MTMR7: variants seen among roughly 807,000 people sequenced by gnomAD.
MTMR7 encodes myotubularin related protein 7.
In MTMR7, 76 loss-of-function variants were observed where a neutral mutation model predicts 81.2. The observed-to-expected ratio is 0.94, with a 90% CI of 0.78 to 1.13. The LOEUF (loss-of-function observed/expected upper bound fraction) is 1.13. Ranked by LOEUF, MTMR7 falls within the 50% of genes most tolerant of loss-of-function variation. The pLI is 0.00. For missense variants in MTMR7, 1,044 were observed against 820.0 expected (o/e 1.27, Z -3.34); for synonymous variants, 372 against 289.8 (o/e 1.28, Z -2.88).
At chr8:17,338,940 A>C (rs550356070) in intron 6 of MTMR7, 1 of 152,284 alleles carries the variant, frequency 6.6e-6, no homozygotes, top group African/African-American at 2.4e-5. Flanking sequence ...TTTGCTCCGA[A>C]GAAGACTGGA....
At position 17,302,713 on chromosome 8, in the gene MTMR7, C is replaced by T. The variant is rs987339900; in HGVS notation, c.1494-433G>A. ...TTTGCATTGGCAATAACCCCCCCCC[C>T]CCCGCTTTTTTTTTTAATGGCAGAG... On this transcript the variant is annotated intron_variant, in intron 12 of 13. Coordinates refer to ENST00000180173, the MANE Select transcript of MTMR7 (RefSeq NM_004686.5). Among the ~76,000 whole-genome samples the T allele has an allele frequency of 3.7e-4, 28 of 76,208 alleles. 3 individuals carry two copies. The highest frequency in any genetic ancestry group is 1.0e-3 in the African/African-American group (28 of 27,124). 50.0% of individuals were successfully genotyped at this position (76,208 alleles called of 152,430 possible). A position where few individuals can be genotyped will look rare whatever the true frequency, so the allele number is the denominator to read the frequency against.
intron 4 of MTMR7, among the ~76,000 whole-genome samples, chr8:17,355,043 G>A (rs1443443343): frequency 6.6e-5 from 10 of 152,130 alleles, no homozygotes; most frequent in East Asian, 1.9e-4. Context: ...GCTGTGCAAC[G>A]TAGGACTTAA....
intron 1 of MTMR7, among the ~76,000 whole-genome samples, chr8:17,380,321 C>T (rs1164960950): frequency 6.6e-6 from 1 of 152,150 alleles, no homozygotes; most frequent in African/African-American, 2.4e-5. Flanking sequence ...TGCACAATCA[C>T]TCTATATACC....
intron 6 of MTMR7, among the ~76,000 whole-genome samples, chr8:17,331,753 C>T (rs888948944): frequency 6.6e-6 from 1 of 152,160 alleles, no homozygotes; most frequent in African/African-American, 2.4e-5. Context: ...ATGGTTGCAT[C>T]ATTCTAATTT....
chr8:17,401,904 A>T (rs1821439740), intron 1 of MTMR7, among the ~76,000 whole-genome samples: 1 of 152,184 alleles, frequency 6.6e-6, no homozygotes. Flanking sequence ...TCTTATGCAT[A>T]TTATGGATCT....
At chr8:17,348,179 A>C (rs1206864230) in intron 5 of MTMR7, among the ~76,000 whole-genome samples, 1 of 152,102 alleles carries the variant, frequency 6.6e-6, no homozygotes, top group Non-Finnish European at 1.5e-5. Flanking sequence ...TAAAAATAAA[A>C]CCCATGCTCT....
chr8:17,391,536 A>G (rs1821108870), intron 1 of MTMR7, among the ~76,000 whole-genome samples: 1 of 152,226 alleles, frequency 6.6e-6, no homozygotes, highest in Middle Eastern at 3.2e-3. Flanking sequence ...TCCAGAATGT[A>G]CAAGTGAAAG....
intron 3 of MTMR7, among the ~76,000 whole-genome samples, chr8:17,364,180 C>T (rs1418504167): frequency 2.0e-5 from 3 of 151,768 alleles, no homozygotes; most frequent in Non-Finnish European, 4.4e-5. Flanking sequence ...CAGGAGCCCG[C>T]CACCACGCCC....
Position 17,377,509 on chromosome 8 carries a change from C to A in MTMR7, c.25-4269G>T, listed in dbSNP as rs187690627. Among the ~76,000 whole-genome samples the A allele has an allele frequency of 1.6e-4, 25 of 151,994 alleles. 1 individual carries two copies. Among genetic ancestry groups the A allele is most frequent in the African/African-American group, 5.5e-4 (23 of 41,512 alleles). On this transcript the variant is annotated intron_variant, in intron 1 of 13. Coordinates refer to ENST00000180173, the MANE Select transcript of MTMR7 (RefSeq NM_004686.5). Reference sequence around the variant, plus strand: ...TGTTGGATATATCAACTTTATTTTTCTTTTCTACTTTGTTAATTTCTGGTT... The same window carrying A: ...TGTTGGATATATCAACTTTATTTTTATTTTCTACTTTGTTAATTTCTGGTT...
intron 7 of MTMR7, among the ~76,000 whole-genome samples, chr8:17,318,537 G>A (rs34152861): frequency 0.013 from 2,001 of 152,206 alleles, 19 homozygotes; most frequent in Non-Finnish European, 0.019. Flanking sequence ...TAGTGTTCCC[G>A]ATGGGTCTGG....
At chr8:17,334,632 T>A (rs1819168039) in intron 6 of MTMR7, among the ~76,000 whole-genome samples, 3 of 152,194 alleles carry the variant, frequency 2.0e-5, no homozygotes, top group African/African-American at 7.2e-5. Context: ...CAACACTGTA[T>A]AGACACCTAC....
At chr8:17,323,258 C>T (rs1048407844) in intron 7 of MTMR7, among the ~76,000 whole-genome samples, 6 of 152,014 alleles carry the variant, frequency 3.9e-5, no homozygotes, top group Non-Finnish European at 7.4e-5. Context: ...ACAGAATTAT[C>T]TTGATTTATT....
intron 1 of MTMR7, among the ~76,000 whole-genome samples, chr8:17,403,819 T>A (rs1394585971): frequency 1.3e-5 from 2 of 152,222 alleles, no homozygotes; most frequent in South Asian, 4.1e-4. Flanking sequence ...AGGTATTTTA[T>A]ATTATTTGTA....
chr8:17,373,969 T>C (rs1245569531), intron 1 of MTMR7, among the ~76,000 whole-genome samples: 2 of 152,146 alleles, frequency 1.3e-5, no homozygotes, highest in Non-Finnish European at 2.9e-5. Context: ...AGACAATCTC[T>C]ACAGAGCGAG....
intron 7 of MTMR7, among the ~76,000 whole-genome samples, chr8:17,327,734 A>T (rs1563335983): frequency 1.3e-5 from 2 of 152,148 alleles, no homozygotes; most frequent in Non-Finnish European, 2.9e-5. Flanking sequence ...GTTTTACCAC[A>T]TTCTTTTGAG....
chr8:17,315,298 A>G (rs995027951), intron 7 of MTMR7, among the ~76,000 whole-genome samples: 1 of 152,138 alleles, frequency 6.6e-6, no homozygotes, highest in Admixed American at 6.5e-5. Flanking sequence ...AGGCAAAACT[A>G]CGGAGACAGT....
chr8:17,354,221 A>G (rs1332790716), intron 4 of MTMR7, among the ~76,000 whole-genome samples: 1 of 152,188 alleles, frequency 6.6e-6, no homozygotes, highest in Non-Finnish European at 1.5e-5. Flanking sequence ...GAACAGGGAG[A>G]AGGAGGAGGT....
intron 4 of MTMR7, among the ~76,000 whole-genome samples, chr8:17,357,766 T>C (rs1819940368): frequency 6.6e-6 from 1 of 152,228 alleles, no homozygotes; most frequent in Non-Finnish European, 1.5e-5. Flanking sequence ...AGAGACAATT[T>C]GGAAGGAACA....
At chr8:17,390,849 C>G (rs187073861) in intron 1 of MTMR7, among the ~76,000 whole-genome samples, 56 of 152,306 alleles carry the variant, frequency 3.7e-4, no homozygotes, top group Admixed American at 3.2e-3. Flanking sequence ...GGGGAAACCA[C>G]CCCTGTGATC....
Sources: gnomAD v4.1 joint callset for allele counts (sites outside exome capture counted in the v4.1 genomes callset) on GRCh38, gnomAD v4.1.1 for gene constraint, MANE v1.5 for transcripts, NCBI Gene and HGNC (gene_info 2026-07-23, HGNC 2026-07-21) for gene names.